RNF150: variants seen among roughly 807,000 people sequenced by gnomAD.
RNF150 encodes the protein ring finger protein 150.
In RNF150, 24 loss-of-function variants were observed where a neutral mutation model predicts 39.3. The observed-to-expected ratio is 0.61, with a 90% CI of 0.44 to 0.86. The LOEUF (loss-of-function observed/expected upper bound fraction) is 0.86, where lower values mean the gene tolerates loss of function less well. Among genes scored for constraint, RNF150 ranks in the 40% least tolerant of loss-of-function variants. The pLI is 0.00. For synonymous variants in RNF150, 255 were observed against 227.3 expected (o/e 1.12, Z -1.10); for missense variants, 502 against 587.8 (o/e 0.85, Z 1.51).
intron 1 of RNF150, among the ~76,000 whole-genome samples, chr4:141,044,838 A>G (rs751614486): frequency 2.6e-5 from 4 of 152,076 alleles, no homozygotes; most frequent in Admixed American, 6.5e-5. Context: ...TTCAAAACTG[A>G]AAACTGTGGC....
At chr4:141,188,058 T>C (rs1000035102) in intron 1 of RNF150, among the ~76,000 whole-genome samples, 2 of 152,208 alleles carry the variant, frequency 1.3e-5, no homozygotes, top group Non-Finnish European at 2.9e-5. Context: ...ACAAAATCCC[T>C]CAGCATTTGC....
chr4:141,186,764 A>G (rs1578787068), intron 1 of RNF150, among the ~76,000 whole-genome samples: 1 of 151,934 alleles, frequency 6.6e-6, no homozygotes, highest in African/African-American at 2.4e-5. Context: ...TAGTCTGGCT[A>G]GTGGTCCACC....
intron 1 of RNF150, among the ~76,000 whole-genome samples, chr4:140,988,741 T>C (rs1734095422): frequency 6.7e-6 from 1 of 149,514 alleles, no homozygotes; most frequent in Admixed American, 6.8e-5. Context: ...TAGCAAAGAC[T>C]TGGAACCAAC....
At chr4:141,173,322 ATG>A (rs1727761223) in intron 1 of RNF150, among the ~76,000 whole-genome samples, 1 of 152,214 alleles carries the variant, frequency 6.6e-6, no homozygotes, top group Admixed American at 6.5e-5. Flanking sequence ...AGTTTTGATT[ATG>A]CATTTATTTT....
chr4:141,004,527 C>T (rs73860221), intron 1 of RNF150, among the ~76,000 whole-genome samples: 11,535 of 152,244 alleles, frequency 0.076, 483 homozygotes, highest in Middle Eastern at 0.16. Flanking sequence ...ACATTGCTAA[C>T]AGAATTATGT....
chr4:141,196,057 G>A (rs1728195657), intron 1 of RNF150, among the ~76,000 whole-genome samples: 1 of 152,330 alleles, frequency 6.6e-6, no homozygotes, highest in East Asian at 1.9e-4. Context: ...TTTTGGAAGT[G>A]TAGCAAAATG....
intron 1 of RNF150, among the ~76,000 whole-genome samples, chr4:141,072,385 C>T (rs542355467): frequency 3.3e-5 from 5 of 152,212 alleles, no homozygotes; most frequent in South Asian, 2.1e-4. Context: ...ATAGTAGAGA[C>T]GTACAGAGTA....
At chr4:141,090,094 G>A (rs959973599) in intron 1 of RNF150, among the ~76,000 whole-genome samples, 3 of 152,208 alleles carry the variant, frequency 2.0e-5, no homozygotes, top group Non-Finnish European at 4.4e-5. Flanking sequence ...CAAAAGGCAA[G>A]TGTGACAATG....
At chr4:141,084,672 A>T (rs1285711632) in intron 1 of RNF150, among the ~76,000 whole-genome samples, 1 of 152,238 alleles carries the variant, frequency 6.6e-6, no homozygotes, top group African/African-American at 2.4e-5. Flanking sequence ...TAGAGTGTAT[A>T]CTTAGGAATA....
rs373468168 is a variant in RNF150, at chr4:141,075,578, T to C, written c.484+56747A>G. 1.1e-4 allele frequency among the ~76,000 whole-genome samples: 16 copies of C among 152,360 alleles called. No homozygotes were observed. The East Asian group carries it at 1.2e-3, about 11-fold the overall frequency. ...TCATAAATTACTTAGAAAATCTCTC[T>C]AGTTTCTTTTCTTTTAACACAATTT... On this transcript the variant is annotated intron_variant, in intron 1 of 6. Coordinates refer to ENST00000515673, the MANE Select transcript of RNF150 (RefSeq NM_020724.2).
intron 1 of RNF150, among the ~76,000 whole-genome samples, chr4:141,182,131 C>A (rs904632957): frequency 2.0e-5 from 3 of 150,290 alleles, no homozygotes; most frequent in Non-Finnish European, 3.0e-5. Context: ...ATTCAACAAC[C>A]CTTCATGCTA....
intron 1 of RNF150, among the ~76,000 whole-genome samples, chr4:141,041,444 A>G (rs1347057370): frequency 6.6e-6 from 1 of 152,152 alleles, no homozygotes; most frequent in Non-Finnish European, 1.5e-5. Flanking sequence ...AGACAGAGGA[A>G]GAGAACAAAT....
intron 1 of RNF150, among the ~76,000 whole-genome samples, chr4:141,114,266 G>C (rs1297630790): frequency 6.6e-6 from 1 of 152,026 alleles, no homozygotes; most frequent in East Asian, 1.9e-4. Flanking sequence ...CCACTAGCCA[G>C]ACTAATAAAA....
intron 1 of RNF150, among the ~76,000 whole-genome samples, chr4:141,039,406 AAG>A: frequency 6.6e-6 from 1 of 151,548 alleles, no homozygotes; most frequent in East Asian, 2.0e-4. Flanking sequence ...TAGAGAAAGA[AAG>A]GGGAGGAGAA....
chr4:140,965,032 C>T (rs1437454429), intron 2 of RNF150, among the ~76,000 whole-genome samples: 1 of 151,970 alleles, frequency 6.6e-6, no homozygotes, highest in Admixed American at 6.6e-5. Flanking sequence ...CAGCTCTCTA[C>T]TTCATTCATT....
chr4:140,886,051 C>T (rs1001872741), intron 6 of RNF150, among the ~76,000 whole-genome samples: 61 of 151,978 alleles, frequency 4.0e-4, no homozygotes, highest in South Asian at 3.3e-3. Flanking sequence ...ATTAGCCGGG[C>T]GTGGTGGCAG....
intron 1 of RNF150, among the ~76,000 whole-genome samples, chr4:140,987,441 A>G (rs1042110678): frequency 6.6e-6 from 1 of 152,134 alleles, no homozygotes; most frequent in Admixed American, 6.6e-5. Flanking sequence ...AGAATAAAAT[A>G]GAGAACTCAG....
intron 1 of RNF150, among the ~76,000 whole-genome samples, chr4:141,180,221 A>T (rs533746427): frequency 6.6e-6 from 1 of 152,278 alleles, no homozygotes. Context: ...TGGCTGTTGG[A>T]GCACAAGCAG....
chr4:141,061,140 T>TA (rs1043894777), intron 1 of RNF150, among the ~76,000 whole-genome samples: 247 of 148,784 alleles, frequency 1.7e-3, no homozygotes, highest in African/African-American at 5.9e-3. Flanking sequence ...AGTATAATAA[T>TA]AAAAAAAAGT....
Sources: gnomAD v4.1 joint callset for allele counts (sites outside exome capture counted in the v4.1 genomes callset) on GRCh38, gnomAD v4.1.1 for gene constraint, MANE v1.5 for transcripts, NCBI Gene and HGNC (gene_info 2026-07-23, HGNC 2026-07-21) for gene names.